The following SHROOM3 variants were observed in gnomAD, a reference collection of about 807,000 sequenced individuals.
SHROOM3 encodes the protein shroom family member 3.
Under a neutral mutation model 138.6 loss-of-function variants are expected in SHROOM3, and 47 were observed. That is an observed-to-expected ratio of 0.34 (90% CI 0.27 to 0.43). SHROOM3 has a LOEUF of 0.43. Among genes scored for constraint, SHROOM3 ranks in the 20% least tolerant of loss-of-function variants. The pLI is 1.00. For synonymous variants in SHROOM3, 1,062 were observed against 1,063.3 expected (o/e 1.00, Z 0.02); for missense variants, 2,491 against 2,596.5 (o/e 0.96, Z 0.88).
chr4:76,561,656 G>A (rs1054360379), intron 2 of SHROOM3, among the ~76,000 whole-genome samples: 1 of 142,774 alleles, frequency 7.0e-6, no homozygotes, highest in Non-Finnish European at 1.5e-5. Flanking sequence ...CTATTCCACT[G>A]CCTCCTCCTT....
chr4:76,505,051 G>C (rs969112404), intron 1 of SHROOM3, among the ~76,000 whole-genome samples: 11 of 152,134 alleles, frequency 7.2e-5, no homozygotes, highest in African/African-American at 2.7e-4. Context: ...AATGAATCCT[G>C]GTGCCCTCTT....
At chr4:76,543,905 C>G (rs1733158044) in intron 1 of SHROOM3, among the ~76,000 whole-genome samples, 1 of 152,202 alleles carries the variant, frequency 6.6e-6, no homozygotes, top group African/African-American at 2.4e-5. Flanking sequence ...GTGTGTGACA[C>G]TGTTCAACCA....
chr4:76,646,296 G>A (rs2110085638), intron 2 of SHROOM3, among the ~76,000 whole-genome samples: 1 of 147,410 alleles, frequency 6.8e-6, no homozygotes, highest in East Asian at 2.0e-4. Flanking sequence ...TCTTCTTTAT[G>A]GTAACTCCAT....
chr4:76,560,166 A>G (rs1733570313), intron 2 of SHROOM3, among the ~76,000 whole-genome samples: 1 of 152,204 alleles, frequency 6.6e-6, no homozygotes, highest in South Asian at 2.1e-4. Context: ...CAGAGACTTT[A>G]TCTGGTAGAT....
At chr4:76,711,079 A>C (rs114249522) in intron 3 of SHROOM3, among the ~76,000 whole-genome samples, 135 of 152,298 alleles carry the variant, frequency 8.9e-4, no homozygotes, top group African/African-American at 3.2e-3. Flanking sequence ...GTGTGAATAT[A>C]ATTATCCTCA....
chr4:76,662,903 TAGAGGG>T (rs930268315), intron 2 of SHROOM3, among the ~76,000 whole-genome samples: 2 of 130,116 alleles, frequency 1.5e-5, no homozygotes, highest in Admixed American at 7.9e-5. Context: ...GAGAGAGAGG[TAGAGGG>T]AGAGGGAGAG....
At chr4:76,622,695 C>A (rs1164056234) in intron 2 of SHROOM3, among the ~76,000 whole-genome samples, 2 of 151,850 alleles carry the variant, frequency 1.3e-5, no homozygotes, top group East Asian at 3.9e-4. Context: ...GTAATTCCAC[C>A]AAGAAAGTAT....
At chr4:76,574,175 T>C (rs1037329786) in intron 2 of SHROOM3, among the ~76,000 whole-genome samples, 2 of 152,202 alleles carry the variant, frequency 1.3e-5, no homozygotes, top group African/African-American at 4.8e-5. Context: ...GTTTTCTCAC[T>C]ATTTCTCACT....
At chr4:76,644,901 T>C (rs1422182466) in intron 2 of SHROOM3, among the ~76,000 whole-genome samples, 3 of 152,192 alleles carry the variant, frequency 2.0e-5, no homozygotes, top group African/African-American at 7.2e-5. Context: ...GTTTTCTGTT[T>C]CTGTGAAAAC....
chr4:76,544,407 CTTTT>C (rs58799466), intron 1 of SHROOM3, among the ~76,000 whole-genome samples: 1 of 75,870 alleles, frequency 1.3e-5, no homozygotes, highest in African/African-American at 4.2e-5. Context: ...AGCTCAATGG[CTTTT>C]TTTTTTTTTT....
chr4:76,449,249 T>A (rs1332890700), intron 1 of SHROOM3, among the ~76,000 whole-genome samples: 2 of 152,192 alleles, frequency 1.3e-5, no homozygotes, highest in Non-Finnish European at 2.9e-5. Flanking sequence ...TGGGGATCTC[T>A]GAGGAGAGAA....
intron 4 of SHROOM3, among the ~76,000 whole-genome samples, chr4:76,733,966 T>C (rs1345386782): frequency 1.3e-5 from 2 of 152,120 alleles, no homozygotes; most frequent in South Asian, 2.1e-4. Flanking sequence ...TGCTGCCCTA[T>C]GGAAATCTCA....
chr4:76,559,005 G>C (rs550074970), intron 2 of SHROOM3, among the ~76,000 whole-genome samples: 1 of 152,128 alleles, frequency 6.6e-6, no homozygotes, highest in African/African-American at 2.4e-5. Flanking sequence ...TTTCATTCTC[G>C]TCAACACCAA....
chr4:76,442,376 A>G (rs2109964564), intron 1 of SHROOM3, among the ~76,000 whole-genome samples: 1 of 150,626 alleles, frequency 6.6e-6, no homozygotes, highest in South Asian at 2.1e-4. Flanking sequence ...TAAGGAAGTA[A>G]TTGCTTTCTC....
At chr4:76,500,876 A>G (rs1732077857) in intron 1 of SHROOM3, among the ~76,000 whole-genome samples, 1 of 151,988 alleles carries the variant, frequency 6.6e-6, no homozygotes, top group African/African-American at 2.4e-5. Context: ...GAGTGATCCC[A>G]GCTCACTGTA....
At position 76,437,322 on chromosome 4, in the gene SHROOM3, C is replaced by T. The variant is rs1318537608; in HGVS notation, c.168+1102C>T. Among the ~76,000 whole-genome samples, 19 of 152,012 alleles carry T rather than the reference C, an allele frequency of 1.2e-4. 1 individual carries two copies. Among genetic ancestry groups the T allele is most frequent in the Admixed American group, 1.0e-3 (16 of 15,252 alleles). On this transcript the variant is annotated intron_variant, in intron 1 of 10. Transcript: ENST00000296043. Reference sequence around the variant, plus strand: ...TCCCCCTGTGAAAAAAATTCAAAACCGAGTTTATAGTGGCTCTCAGTAAAT... The same window carrying T: ...TCCCCCTGTGAAAAAAATTCAAAACTGAGTTTATAGTGGCTCTCAGTAAAT...
At chr4:76,638,837 G>C (rs1414716835) in intron 2 of SHROOM3, 1 of 152,198 alleles carries the variant, frequency 6.6e-6, no homozygotes, top group African/African-American at 2.4e-5. Context: ...TACCTCTGCA[G>C]TCTGACCCTA....
chr4:76,772,000 C>G (rs980224507), intron 10 of SHROOM3, among the ~76,000 whole-genome samples: 2 of 151,896 alleles, frequency 1.3e-5, no homozygotes. Context: ...TATGTGCACA[C>G]AGTATGTGTG....
At position 76,541,623 on chromosome 4, in the gene SHROOM3, G is replaced by GCACACA. The variant is rs751594734; in HGVS notation, c.169-13985_169-13984insACACAC. ...AGAAGGCCGGGATTCACATATGTGG[G>GCACACA]CGCACACACACACACACACACACAC... On this transcript the variant is annotated intron_variant, in intron 1 of 10. Coordinates refer to ENST00000296043, the MANE Select transcript of SHROOM3 (RefSeq NM_020859.4). 9.9e-3 allele frequency among the ~76,000 whole-genome samples: 1,393 copies of GCACACA among 140,146 alleles called. 39 individuals are homozygous for GCACACA. The highest frequency in any genetic ancestry group is 0.078 in the East Asian group (396 of 5,060). 91.9% of individuals were successfully genotyped at this position (140,146 alleles called of 152,430 possible). A position where few individuals can be genotyped will look rare whatever the true frequency, so the allele number is the denominator to read the frequency against.
Sources: allele counts gnomAD v4.1 joint callset (sites outside exome capture counted in the v4.1 genomes callset), GRCh38; gene constraint gnomAD v4.1.1; transcripts MANE v1.5; gene names NCBI Gene and HGNC (gene_info 2026-07-23, HGNC 2026-07-21).